The following LARS1 variants were observed in gnomAD, a reference collection of about 807,000 sequenced individuals.
The protein encoded by LARS1 is leucine--tRNA ligase, cytoplasmic.
Under a neutral mutation model 162.8 loss-of-function variants are expected in LARS1, and 100 were observed. The observed-to-expected ratio is 0.61, with a 90% CI of 0.52 to 0.73. The LOEUF (loss-of-function observed/expected upper bound fraction) is 0.73. Among genes scored for constraint, LARS1 ranks in the 30% least tolerant of loss-of-function variants. The pLI is 0.00. For missense variants in LARS1, 1,258 were observed against 1,408.9 expected, an observed-to-expected ratio of 0.89 and a Z score of 1.71; for synonymous variants, 457 against 462.8, an observed-to-expected ratio of 0.99 and a Z score of 0.16.
intron 6 of LARS1, among the ~76,000 whole-genome samples, chr5:146,161,540 C>T (rs1459407149): frequency 2.0e-5 from 3 of 152,150 alleles, no homozygotes; most frequent in East Asian, 1.9e-4. Context: ...ACCAGCCTAA[C>T]CAACATGGAG....
chr5:146,113,914 A>AG lies in LARS1; in HGVS notation c.*191dup. On this transcript the variant is annotated 3_prime_UTR_variant, in exon 32 of 32. Coordinates refer to ENST00000394434, the MANE Select transcript of LARS1 (RefSeq NM_020117.11). ...CCATTTCTCTTGGACACCCAAAGAAAGGGAAAAAAAATTTATTAGGTCCAG... is the reference window on the plus strand; with the variant it reads ...CCATTTCTCTTGGACACCCAAAGAAAGGGGAAAAAAAATTTATTAGGTCCAG... The AG allele has an allele frequency of 1.8e-6, 1 of 553,178 alleles. No individual in the cohort carries two copies. Among genetic ancestry groups the AG allele is most frequent in the Non-Finnish European group, 3.2e-6 (1 of 313,750 alleles). The allele number at this position is 553,178 out of a possible 1,614,324, so 34.3% of individuals were successfully genotyped here.
intron 30 of LARS1, among the ~76,000 whole-genome samples, chr5:146,121,649 A>C (rs1188778755): frequency 6.6e-6 from 1 of 152,212 alleles, no homozygotes; most frequent in African/African-American, 2.4e-5. Flanking sequence ...TGCAGCCATA[A>C]AAAATGATGA....
chr5:146,161,511 T>C (rs1349340347), intron 6 of LARS1, among the ~76,000 whole-genome samples: 1 of 152,116 alleles, frequency 6.6e-6, no homozygotes. Context: ...GGCGGATCAC[T>C]TGAGGTCGGG....
intron 15 of LARS1, among the ~76,000 whole-genome samples, chr5:146,147,818 G>A (rs1253089733): frequency 6.6e-6 from 1 of 152,110 alleles, no homozygotes; most frequent in Non-Finnish European, 1.5e-5. Context: ...GATTGAAGGA[G>A]CCCACCAAGC....
At chr5:146,140,856 T>C (rs1752743696) in intron 20 of LARS1, among the ~76,000 whole-genome samples, 1 of 151,842 alleles carries the variant, frequency 6.6e-6, no homozygotes, top group Admixed American at 6.6e-5. Context: ...CACATATATA[T>C]ACACACACAC....
chr5:146,153,796 T>C lies in LARS1; in HGVS notation c.1168A>G (p.Thr390Ala). 1 of 1,614,044 alleles carries C rather than the reference T, an allele frequency of 6.2e-7. No individual in the cohort carries two copies. The highest frequency in any genetic ancestry group is 2.2e-5 in the East Asian group (1 of 44,858). Residue 390 changes from threonine to alanine, a missense_variant, in exon 12 of 32, where the codon ACA becomes GCA. Physicochemically the swap from Thr to Ala is moderately conservative, Grantham distance 58 (BLOSUM62 0). Coordinates refer to ENST00000394434, the MANE Select transcript of LARS1 (RefSeq NM_020117.11). ...IKEDKGTGVV[T>A]SVPSDSPDDI... is the part of the protein sequence containing the mutation. ...TCAGGGGAGTCGGAAGGAACACTTG[T>C]AACCACACCAGTGCCTTAGAAAACA...
At chr5:146,129,976 A>T (rs1263375427) in intron 25 of LARS1, 42 bp downstream of exon 25, 1 of 1,576,036 alleles carries the variant, frequency 6.3e-7, no homozygotes. Flanking sequence ...TAATGAAGCC[A>T]AAATCAAAAC....
In LARS1 at chr5:146,129,100, C is replaced by T; in HGVS notation, c.2647G>A (p.Ala883Thr). ...ACAGGACCTGCCACAGGCCATGAAGCATTCATAATTGAGTCAGGCTTTTAA... is the reference window on the plus strand; with the variant it reads ...ACAGGACCTGCCACAGGCCATGAAGTATTCATAATTGAGTCAGGCTTTTAA... The part of the protein sequence containing the change: ...LLGKPDSIMN[A>T]SWPVAGPVNE... Residue 883 changes from alanine (A) to threonine (T), a missense_variant, in exon 26 of 32, where the codon GCT becomes ACT. Coordinates refer to ENST00000394434, the MANE Select transcript of LARS1 (RefSeq NM_020117.11). The T allele has an allele frequency of 5.0e-6, 8 of 1,587,772 alleles. No homozygotes were observed. Among genetic ancestry groups the T allele is most frequent in the Non-Finnish European group, 6.8e-6 (8 of 1,170,984 alleles).
intron 31 of LARS1, among the ~76,000 whole-genome samples, chr5:146,117,152 A>C (rs912904521): frequency 6.6e-6 from 1 of 152,212 alleles, no homozygotes; most frequent in African/African-American, 2.4e-5. Flanking sequence ...ATTATGCCAA[A>C]GGCTCAATGA....
At chr5:146,157,821 T>G (rs748354498) in intron 8 of LARS1, 26 bp from the exon 9 acceptor site, 1 of 1,609,746 alleles carries the variant, frequency 6.2e-7, no homozygotes, top group Non-Finnish European at 8.5e-7. Flanking sequence ...ATACAAAAAT[T>G]TGAAGGAAAA....
At chr5:146,136,575 C>T (rs970606990) in intron 21 of LARS1, among the ~76,000 whole-genome samples, 4 of 151,532 alleles carry the variant, frequency 2.6e-5, no homozygotes, top group African/African-American at 9.7e-5. Flanking sequence ...CCGCCTCCCT[C>T]GGTTCAAGGG....
At chr5:146,146,339 GAA>G (rs70998058) in intron 15 of LARS1, among the ~76,000 whole-genome samples, 108 of 90,426 alleles carry the variant, frequency 1.2e-3, no homozygotes, top group Non-Finnish European at 1.9e-3. Context: ...GCAAAACTCC[GAA>G]AAAAAAAAAA....
chr5:146,152,350 T>C (rs922045809), intron 13 of LARS1, among the ~76,000 whole-genome samples: 1 of 152,092 alleles, frequency 6.6e-6, no homozygotes, highest in African/African-American at 2.4e-5. Flanking sequence ...ACCCCAAGGA[T>C]GTGGACCGGT....
In LARS1 at chr5:146,174,512, A is replaced by ATCCATATATG. The variant is rs1754440267; in HGVS notation, c.126-1739_126-1738insCATATATGGA. Among the ~76,000 whole-genome samples the ATCCATATATG allele has an allele frequency of 2.0e-4, 4 of 19,960 alleles. No individual in the cohort carries two copies. In the South Asian group the frequency reaches 4.8e-3, roughly 24 times the overall value. 13.1% of individuals were successfully genotyped at this position (19,960 alleles called of 152,430 possible). A position where few individuals can be genotyped will look rare whatever the true frequency, so the allele number is the denominator to read the frequency against. On this transcript the variant is annotated intron_variant, in intron 2 of 31. Coordinates refer to ENST00000394434, the MANE Select transcript of LARS1 (RefSeq NM_020117.11). The stretch of plus-strand genomic sequence containing the variant: ...TATATATATATATCCATATATATAT[A>ATCCATATATG]TATATATCCATATATATATATATAT...
intron 28 of LARS1, among the ~76,000 whole-genome samples, chr5:146,125,109 ATTGCC>A: frequency 6.6e-6 from 1 of 152,032 alleles, no homozygotes; most frequent in East Asian, 1.9e-4. Context: ...ATCAAAATTA[ATTGCC>A]TTTGCAACCA....
chr5:146,157,579 C>T lies in LARS1; in HGVS notation c.889G>A (p.Glu297Lys). ...CAATTTGTCTGCCCAAACATGGTCT[C>T]AGGTCTGAGAGTAGCAGCCACCAAG... ...IFLVAATLRP[E>K]TMFGQTNCWV... Residue 297 changes from glutamate (E) to lysine (K), a missense_variant, in exon 10 of 32, where the codon GAG (glutamate) becomes AAG (lysine). Coordinates refer to ENST00000394434, the MANE Select transcript of LARS1 (RefSeq NM_020117.11). The T allele has an allele frequency of 2.5e-6, 4 of 1,614,070 alleles. No individual in the cohort carries two copies. The highest frequency in any genetic ancestry group is 3.4e-6 in the Non-Finnish European group (4 of 1,180,026).
intron 5 of LARS1, 86 bp from the exon 6 acceptor site, chr5:146,164,557 T>G: frequency 7.8e-7 from 1 of 1,279,764 alleles, no homozygotes; most frequent in South Asian, 1.2e-5. Flanking sequence ...AATGTAATTT[T>G]TTTACATTCT....
chr5:146,114,842 G>A (rs1236885618), intron 31 of LARS1, among the ~76,000 whole-genome samples: 7 of 151,286 alleles, frequency 4.6e-5, no homozygotes, highest in African/African-American at 1.5e-4. Context: ...TCCGGAGATC[G>A]AGACCATCCT....
chr5:146,171,865 G>T, intron 4 of LARS1, 45 bp downstream of exon 4: 1 of 1,410,438 alleles, frequency 7.1e-7, no homozygotes, highest in Non-Finnish European at 9.9e-7. Context: ...ATTACTATTT[G>T]CTCCAACTAA....
Sources: allele counts gnomAD v4.1 joint callset (sites outside exome capture counted in the v4.1 genomes callset), GRCh38; gene constraint gnomAD v4.1.1; transcripts MANE v1.5; gene names NCBI Gene and HGNC (gene_info 2026-07-23, HGNC 2026-07-21).